IQCJ: variants seen among roughly 807,000 people sequenced by gnomAD.
IQCJ encodes IQ motif containing J, also known as IQ domain-containing protein J.
A neutral mutation model predicts 11.0 loss-of-function variants in IQCJ; 9 were observed. The ratio of observed to expected loss-of-function variants is 0.82; its 90% CI spans 0.49 to 1.43. IQCJ has a LOEUF of 1.43. Among genes scored for constraint, IQCJ ranks in the 40% most tolerant of loss-of-function variants. The pLI is 0.00. For missense variants in IQCJ, 146 were observed against 133.2 expected (o/e 1.10, Z -0.47); for synonymous variants, 55 against 51.3 (o/e 1.07, Z -0.31).
chr3:159,091,264 C>G (rs59794476), intron 1 of IQCJ, among the ~76,000 whole-genome samples: 30,648 of 151,650 alleles, frequency 0.2, 3,698 homozygotes, highest in South Asian at 0.35. Context: ...AGACTGGGTG[C>G]CGTATTAACA....
intron 1 of IQCJ, among the ~76,000 whole-genome samples, chr3:159,219,247 T>C (rs1425277307): frequency 6.6e-6 from 1 of 152,124 alleles, no homozygotes; most frequent in Non-Finnish European, 1.5e-5. Flanking sequence ...ATACATTCTG[T>C]CTGTCTGGAG....
chr3:159,251,017 G>A (rs1727566826), intron 2 of IQCJ, among the ~76,000 whole-genome samples: 1 of 152,146 alleles, frequency 6.6e-6, no homozygotes, highest in Non-Finnish European at 1.5e-5. Context: ...TATATGTGTA[G>A]AATGAGTGAT....
At chr3:159,088,861 G>C (rs1283140824) in intron 1 of IQCJ, among the ~76,000 whole-genome samples, 1 of 152,106 alleles carries the variant, frequency 6.6e-6, no homozygotes, top group East Asian at 1.9e-4. Flanking sequence ...GATGGGTCTT[G>C]ACTCTTTATC....
intron 1 of IQCJ, among the ~76,000 whole-genome samples, chr3:159,104,654 G>A (rs372388496): frequency 1.2e-4 from 19 of 152,178 alleles, no homozygotes; most frequent in Admixed American, 3.3e-4. Context: ...TTTCCACACC[G>A]TGCCATTCTA....
rs148337215 is a variant in IQCJ at position 159,257,865 on chromosome 3, G to A, written c.156-4683G>A. 2.3e-3 allele frequency among the ~76,000 whole-genome samples: 348 copies of A among 152,214 alleles called. 3 individuals are homozygous for A. The highest frequency in any genetic ancestry group is 8.1e-3 in the African/African-American group (337 of 41,526). ...CTCTATTTCTGCCTTTTGCTGAACCGTAAGGAGGGAACAAACGTAATGGGG... is the reference window on the plus strand; with the variant it reads ...CTCTATTTCTGCCTTTTGCTGAACCATAAGGAGGGAACAAACGTAATGGGG... On this transcript the variant is annotated intron_variant, in intron 3 of 3. Transcript: ENST00000397832.
chr3:159,180,546 A>C (rs187714659), intron 1 of IQCJ, among the ~76,000 whole-genome samples: 1 of 152,076 alleles, frequency 6.6e-6, no homozygotes, highest in East Asian at 1.9e-4. Context: ...TAAATGGATG[A>C]ATAGATAGAT....
intron 1 of IQCJ, among the ~76,000 whole-genome samples, chr3:159,236,907 G>A (rs1170292619): frequency 2.6e-5 from 4 of 152,116 alleles, no homozygotes; most frequent in African/African-American, 9.7e-5. Context: ...TGAAATTATT[G>A]AATGGTCAAA....
chr3:159,146,629 C>A (rs1392949), intron 1 of IQCJ, among the ~76,000 whole-genome samples: 38,449 of 152,048 alleles, frequency 0.25, 5,936 homozygotes, highest in South Asian at 0.4. Flanking sequence ...CTTCCAGGAA[C>A]CTTAGATTTC....
In IQCJ at chr3:159,154,141, T is replaced by C. The variant is rs374544331; in HGVS notation, c.9+84700T>C. Among the ~76,000 whole-genome samples, 3 of 152,332 alleles carry C rather than the reference T, an allele frequency of 2.0e-5. No individual in the cohort carries two copies. In the South Asian group the frequency reaches 6.2e-4, roughly 32 times the overall value. On this transcript the variant is annotated intron_variant, in intron 1 of 3. Coordinates refer to ENST00000397832, the MANE Select transcript of IQCJ (RefSeq NM_001042706.3). Reference sequence around the variant, plus strand: ...AAATCTAAACCCCCAAATTGTCAAGTTTTATGTGGGCAAAACAATTGTGCA... The same window carrying C: ...AAATCTAAACCCCCAAATTGTCAAGCTTTATGTGGGCAAAACAATTGTGCA...
At chr3:159,209,018 T>G in intron 1 of IQCJ, among the ~76,000 whole-genome samples, 1 of 151,496 alleles carries the variant, frequency 6.6e-6, no homozygotes. Flanking sequence ...CTGGCAAGGG[T>G]TTCACTCACA....
At position 159,161,949 on chromosome 3, in the gene IQCJ, C is replaced by T. The variant is rs554758552; in HGVS notation, c.10-83894C>T. On this transcript the variant is annotated intron_variant, in intron 1 of 3. Coordinates refer to ENST00000397832, the MANE Select transcript of IQCJ (RefSeq NM_001042706.3). ...GTTACTGTAGCCTTGAAGTATAGTT[C>T]GAAGTCAGGTAGCGTGATGCCTCCA... is the stretch of plus-strand genomic sequence containing the variant. Among the ~76,000 whole-genome samples the T allele has an allele frequency of 1.7e-3, 257 of 152,166 alleles. 1 individual carries two copies. Among genetic ancestry groups the T allele is most frequent in the Admixed American group, 3.4e-3 (52 of 15,290 alleles).
chr3:159,264,317 G>C (rs1471947096), downstream of IQCJ, among the ~76,000 whole-genome samples: 1 of 152,144 alleles, frequency 6.6e-6, no homozygotes, highest in African/African-American at 2.4e-5. Context: ...TTCGATTCTA[G>C]CATAAGTGTT....
intron 2 of IQCJ, among the ~76,000 whole-genome samples, chr3:159,249,902 TACACACACACAC>T (rs10567080): frequency 1.3e-5 from 2 of 150,518 alleles, no homozygotes; most frequent in Non-Finnish European, 3.0e-5. Context: ...TGCATTTGTG[TACACACACACAC>T]ACACACACAC....
chr3:159,085,266 C>T (rs1448687609), intron 1 of IQCJ, among the ~76,000 whole-genome samples: 1 of 151,100 alleles, frequency 6.6e-6, no homozygotes. Flanking sequence ...TTTATGGCTG[C>T]ATAGTATTCC....
intron 3 of IQCJ, among the ~76,000 whole-genome samples, chr3:159,255,234 C>T (rs1487705025): frequency 1.3e-5 from 2 of 152,126 alleles, no homozygotes; most frequent in Admixed American, 6.5e-5. Flanking sequence ...GGTCAGTCCA[C>T]CATAAAATCC....
downstream of IQCJ, among the ~76,000 whole-genome samples, chr3:159,264,417 A>G (rs911164937): frequency 6.6e-6 from 1 of 152,134 alleles, no homozygotes; most frequent in African/African-American, 2.4e-5. Flanking sequence ...TACTTTATTT[A>G]ATTTAGCTTA....
At chr3:159,093,472 C>G (rs1461973156) in intron 1 of IQCJ, among the ~76,000 whole-genome samples, 1 of 151,782 alleles carries the variant, frequency 6.6e-6, no homozygotes, top group African/African-American at 2.4e-5. Context: ...CAATAAAATG[C>G]TCCACTTTTG....
In IQCJ at chr3:159,090,229, C is replaced by A. The variant is rs376170895; in HGVS notation, c.9+20788C>A. 2.5e-4 allele frequency among the ~76,000 whole-genome samples: 38 copies of A among 151,606 alleles called. No individual in the cohort carries two copies. The South Asian group carries it at 4.4e-3, about 17-fold the overall frequency. On this transcript the variant is annotated intron_variant, in intron 1 of 3. Transcript: ENST00000397832. Reference sequence around the variant, plus strand: ...TGTGGGGTGCCTCCCGGTTAGGCTGCTCGGGGGGTCAGGGGTCAGGGGTCA... The same window carrying A: ...TGTGGGGTGCCTCCCGGTTAGGCTGATCGGGGGGTCAGGGGTCAGGGGTCA...
intron 1 of IQCJ, among the ~76,000 whole-genome samples, chr3:159,160,753 A>T (rs930410599): frequency 6.8e-5 from 9 of 132,714 alleles, no homozygotes; most frequent in African/African-American, 2.6e-4. Context: ...TCATTGTTCA[A>T]TTCCCACCTA....
Sources: allele counts gnomAD v4.1 joint callset (sites outside exome capture counted in the v4.1 genomes callset), GRCh38; gene constraint gnomAD v4.1.1; transcripts MANE v1.5; gene names NCBI Gene and HGNC (gene_info 2026-07-23, HGNC 2026-07-21).